Variants in COXFA4L2 observed in about 807,000 individuals in gnomAD.
COXFA4L2 encodes the protein cytochrome c oxidase hypoxia associated subunit FA4L2.
chr12:57,238,848 C>T, the COXFA4L2 span, among the ~76,000 whole-genome samples: 1 of 152,228 alleles, frequency 6.6e-6, no homozygotes, highest in Non-Finnish European at 1.5e-5. This position sits in a 1 kb window ranked among gnomAD's most constrained non-coding sequence, Gnocchi z 6.8. Flanking sequence ...CTCTCCGCCA[C>T]TCTCTGACCC....
At chr12:57,237,311 G>T in the COXFA4L2 span, 7 of 1,427,822 alleles carry the variant, frequency 4.9e-6, no homozygotes, top group Non-Finnish European at 4.6e-6. Context: ...TCTGCTCTCC[G>T]ACTCTCTCCT....
At chr12:57,236,864 GT>G in the COXFA4L2 span, among the ~76,000 whole-genome samples, 1 of 152,154 alleles carries the variant, frequency 6.6e-6, no homozygotes, top group Admixed American at 6.5e-5. Context: ...GTCCAAGGTA[GT>G]AGATTTGTGG....
At chr12:57,240,590 C>T in the COXFA4L2 span, 1 of 871,144 alleles carries the variant, frequency 1.1e-6, no homozygotes, top group Non-Finnish European at 1.4e-6. Context: ...CTCGCGCGCG[C>T]ACGTGCGTCA....
At chr12:57,237,060 C>G in the COXFA4L2 span, 13 of 1,614,060 alleles carry the variant, frequency 8.1e-6, no homozygotes, top group Middle Eastern at 1.6e-4. Context: ...CCGGTAGAAG[C>G]GGGCCCCAAG....
chr12:57,236,654 G>A, the COXFA4L2 span: 4 of 1,576,288 alleles, frequency 2.5e-6, no homozygotes, highest in South Asian at 3.5e-5. Flanking sequence ...CCCATGCCCA[G>A]GCAGATTAAG....
the COXFA4L2 span, chr12:57,236,482 G>C: frequency 8.8e-5 from 80 of 904,110 alleles, no homozygotes; most frequent in African/African-American, 1.2e-3. Flanking sequence ...ATGCCGGTCG[G>C]TACAGTCGAA....
At chr12:57,237,246 C>A in the COXFA4L2 span, 5 of 1,477,122 alleles carry the variant, frequency 3.4e-6, no homozygotes, top group Non-Finnish European at 4.5e-6. Context: ...AGCTCACTTT[C>A]TCCTCAATTC....
the COXFA4L2 span, chr12:57,235,273 G>A: frequency 1.8e-6 from 1 of 545,356 alleles, no homozygotes; most frequent in Non-Finnish European, 3.3e-6. Flanking sequence ...CGAGGCCCGG[G>A]TAGGAGGGCA....
At chr12:57,239,272 C>A in the COXFA4L2 span, among the ~76,000 whole-genome samples, 1 of 152,224 alleles carries the variant, frequency 6.6e-6, no homozygotes, top group Non-Finnish European at 1.5e-5. This position sits in a 1 kb window ranked among gnomAD's most constrained non-coding sequence, Gnocchi z 5.5. Context: ...GCCTTGGGCA[C>A]CCCCTGTCGG....
At chr12:57,238,944 G>A in the COXFA4L2 span, among the ~76,000 whole-genome samples, 1 of 152,224 alleles carries the variant, frequency 6.6e-6, no homozygotes, top group African/African-American at 2.4e-5. The surrounding 1 kb of genome is among the most constrained non-coding windows in gnomAD (Gnocchi z 6.8). Flanking sequence ...CGTGGCCCAT[G>A]GGGCCGATCT....
the COXFA4L2 span, chr12:57,236,769 CCCCA>C: frequency 1.7e-6 from 2 of 1,189,216 alleles, no homozygotes; most frequent in Non-Finnish European, 2.4e-6. Context: ...CCCACCCCAA[CCCCA>C]CCCCGGGTCT....
the COXFA4L2 span, chr12:57,236,791 C>T: frequency 3.2e-5 from 34 of 1,047,820 alleles, no homozygotes; most frequent in Non-Finnish European, 4.1e-5. Flanking sequence ...TCTGGTGCTC[C>T]CTCCCTGGAA....
chr12:57,238,717 A>G, the COXFA4L2 span, among the ~76,000 whole-genome samples: 1 of 151,546 alleles, frequency 6.6e-6, no homozygotes, highest in Non-Finnish European at 1.5e-5. The surrounding 1 kb of genome is among the most constrained non-coding windows in gnomAD (Gnocchi z 6.8). Context: ...AGTTCCGGTG[A>G]CCCCGGCCAG....
At chr12:57,239,963 G>A in the COXFA4L2 span, 2 of 152,290 alleles carry the variant, frequency 1.3e-5, no homozygotes, top group Admixed American at 6.5e-5. The surrounding 1 kb of genome is among the most constrained non-coding windows in gnomAD (Gnocchi z 5.5). Context: ...GCCCGGAGAC[G>A]CCTCGGGGCA....
the COXFA4L2 span, chr12:57,238,060 T>C: frequency 6.6e-6 from 1 of 151,882 alleles, no homozygotes; most frequent in African/African-American, 2.4e-5. The surrounding 1 kb of genome is among the most constrained non-coding windows in gnomAD (Gnocchi z 6.8). Context: ...AGGAACCGAG[T>C]CCTAATATCT....
the COXFA4L2 span, chr12:57,236,487 GT>G: frequency 4.2e-6 from 4 of 959,602 alleles, no homozygotes; most frequent in Non-Finnish European, 6.1e-6. Context: ...GGTCGGTACA[GT>G]CGAAGGTGCA....
At chr12:57,238,644 G>A in the COXFA4L2 span, among the ~76,000 whole-genome samples, 7 of 152,156 alleles carry the variant, frequency 4.6e-5, no homozygotes, top group Non-Finnish European at 1.0e-4. The surrounding 1 kb of genome is among the most constrained non-coding windows in gnomAD (Gnocchi z 6.8). Context: ...CGCCGGAAGG[G>A]GCGCCTGGTC....
chr12:57,237,238 C>T, the COXFA4L2 span: 1 of 1,491,490 alleles, frequency 6.7e-7, no homozygotes, highest in South Asian at 1.3e-5. Context: ...CCCAACTTAG[C>T]TCACTTTCTC....
the COXFA4L2 span, among the ~76,000 whole-genome samples, chr12:57,238,468 G>A: frequency 2.2e-3 from 333 of 152,202 alleles, 8 homozygotes; most frequent in East Asian, 0.049. This position sits in a 1 kb window ranked among gnomAD's most constrained non-coding sequence, Gnocchi z 6.8. Flanking sequence ...CAGCCCTCCC[G>A]AGAGCCCGCG....
Sources: allele counts gnomAD v4.1 joint callset (sites outside exome capture counted in the v4.1 genomes callset), GRCh38; gene constraint gnomAD v4.1.1; non-coding constraint Gnocchi (gnomAD v3.1); transcripts MANE v1.5; gene names NCBI Gene and HGNC (gene_info 2026-07-23, HGNC 2026-07-21).